The following DENND2B variants were observed in gnomAD, a reference collection of about 807,000 sequenced individuals.
The protein encoded by DENND2B is DENN domain containing 2B.
DENND2B carries 32 observed loss-of-function variants against 116.0 expected under a neutral mutation model. The ratio of observed to expected loss-of-function variants is 0.28; its 90% CI spans 0.21 to 0.37. DENND2B has a LOEUF of 0.37. DENND2B is among the 10% of genes least tolerant of loss of function. The probability of loss-of-function intolerance (pLI) is 1.00; values close to 1 mark genes in which losing one functional copy is unlikely to be tolerated. For missense variants in DENND2B, 1,276 were observed against 1,477.7 expected, an observed-to-expected ratio of 0.86 and a Z score of 2.24; for synonymous variants, 588 against 583.9, an observed-to-expected ratio of 1.01 and a Z score of -0.10.
At chr11:8,801,539 T>C (rs1297909440) in intron 1 of DENND2B, among the ~76,000 whole-genome samples, 1 of 151,784 alleles carries the variant, frequency 6.6e-6, no homozygotes, top group Non-Finnish European at 1.5e-5. Flanking sequence ...TAGCTGGGCA[T>C]GGCAGCATGC....
At chr11:8,790,670 G>GCA (rs1394646539) in intron 1 of DENND2B, among the ~76,000 whole-genome samples, 1 of 152,166 alleles carries the variant, frequency 6.6e-6, no homozygotes, top group Admixed American at 6.5e-5. Context: ...TCCAGAGGCT[G>GCA]CAGTGGGAGG....
chr11:8,830,853 T>C (rs79090116), intron 4 of DENND2B: 11,646 of 152,292 alleles, frequency 0.076, 685 homozygotes, highest in East Asian at 0.23. Context: ...GCCCGTGTGA[T>C]AGCAACAGCT....
At chr11:8,908,517 A>T (rs1413372716) in intron 1 of DENND2B, among the ~76,000 whole-genome samples, 4 of 152,244 alleles carry the variant, frequency 2.6e-5, no homozygotes, top group Admixed American at 6.5e-5. Context: ...CAATAACCCT[A>T]TGAGGAATGT....
rs765889691 is a variant in DENND2B, at chr11:8,702,538, C to T, written c.2720+34G>A. On this transcript the variant is annotated intron_variant, in intron 14 of 19. Transcript: ENST00000313726. This position sits in a 1 kb window ranked among gnomAD's most constrained non-coding sequence, Gnocchi z 4.6. ...TTCGCTTGTGGGTGTGCCTTCCCCC[C>T]TCCCTTCTGCTTTCTTGCCCGGCTG... 5.0e-6 allele frequency: 8 copies of T among 1,606,796 alleles called. No individual in the cohort carries two copies. The Admixed American group carries it at 1.0e-4, about 20-fold the overall frequency.
At chr11:8,717,073 G>C (rs1044025200) in intron 5 of DENND2B, among the ~76,000 whole-genome samples, 1 of 152,210 alleles carries the variant, frequency 6.6e-6, no homozygotes, top group African/African-American at 2.4e-5. Flanking sequence ...AAGAGAATTA[G>C]AGTTACCTGG....
Position 8,702,510 on chromosome 11 carries a change from T to C in DENND2B, c.2720+62A>G. The stretch of plus-strand genomic sequence containing the variant: ...CCTGCTTAGGCTCCTGAACACTTGC[T>C]GATTCGCTTGTGGGTGTGCCTTCCC... On this transcript the variant is annotated intron_variant, in intron 14 of 19. Coordinates refer to ENST00000313726, the MANE Select transcript of DENND2B (RefSeq NM_213618.2). The surrounding 1 kb of genome is among the most constrained non-coding windows in gnomAD (Gnocchi z 4.6). 2 of 1,600,192 alleles carry C rather than the reference T, an allele frequency of 1.2e-6. No individual in the cohort carries two copies. The highest frequency in any genetic ancestry group is 1.7e-6 in the Non-Finnish European group (2 of 1,178,446).
chr11:8,760,486 T>G (rs748300302), intron 1 of DENND2B, among the ~76,000 whole-genome samples: 9 of 152,208 alleles, frequency 5.9e-5, no homozygotes. Context: ...AGGTTGGTGA[T>G]GCACACCTGT....
At chr11:8,763,232 A>T (rs1018710850) in intron 1 of DENND2B, among the ~76,000 whole-genome samples, 1 of 152,212 alleles carries the variant, frequency 6.6e-6, no homozygotes, top group African/African-American at 2.4e-5. Context: ...TGAAAAAGAA[A>T]ATACCTACTG....
At chr11:8,750,188 C>A (rs1010328737) in intron 2 of DENND2B, among the ~76,000 whole-genome samples, 38 of 152,188 alleles carry the variant, frequency 2.5e-4, no homozygotes, top group African/African-American at 1.9e-4. Context: ...CCAAAATCCA[C>A]GGTTTCTCTA....
intron 4 of DENND2B, among the ~76,000 whole-genome samples, chr11:8,830,120 C>T (rs1458648780): frequency 6.6e-6 from 1 of 152,112 alleles, no homozygotes; most frequent in Non-Finnish European, 1.5e-5. Flanking sequence ...CTATTTTCAT[C>T]GATCTACAGG....
At chr11:8,833,924 A>G (rs2062316570) in intron 4 of DENND2B, among the ~76,000 whole-genome samples, 1 of 152,190 alleles carries the variant, frequency 6.6e-6, no homozygotes, top group Admixed American at 6.5e-5. Flanking sequence ...AAAGTTGGCT[A>G]CTTAGAGCCA....
At chr11:8,878,975 T>C (rs2063873819) in intron 2 of DENND2B, among the ~76,000 whole-genome samples, 1 of 152,202 alleles carries the variant, frequency 6.6e-6, no homozygotes. Flanking sequence ...GATTGCACAA[T>C]ATTGTGACTA....
At chr11:8,736,511 T>A (rs1015283066) in intron 2 of DENND2B, among the ~76,000 whole-genome samples, 1 of 151,900 alleles carries the variant, frequency 6.6e-6, no homozygotes, top group Non-Finnish European at 1.5e-5. Flanking sequence ...TGGGGGCCAA[T>A]AAAGAAGAAT....
At chr11:8,706,826 A>G (rs2042684440) in intron 13 of DENND2B, among the ~76,000 whole-genome samples, 1 of 152,208 alleles carries the variant, frequency 6.6e-6, no homozygotes, top group Non-Finnish European at 1.5e-5. Context: ...GTAACTGTTC[A>G]ATGAATGAAC....
At chr11:8,805,970 AC>A (rs564199792) in intron 1 of DENND2B, among the ~76,000 whole-genome samples, 19 of 151,574 alleles carry the variant, frequency 1.3e-4, no homozygotes, top group African/African-American at 3.9e-4. Context: ...AGCCACCCCT[AC>A]CCCCTCCAGT....
chr11:8,702,648 T>C lies in DENND2B; in HGVS notation c.2644A>G (p.Ser882Gly), dbSNP rs1199925428. 1 of 1,613,992 alleles carries C rather than the reference T, an allele frequency of 6.2e-7. No individual in the cohort carries two copies. Among genetic ancestry groups the C allele is most frequent in the African/African-American group, 1.3e-5 (1 of 75,052 alleles). The change falls in exon 14 of 20, where the codon AGT (serine) becomes GGT (glycine). Residue 882 changes from serine (S) to glycine (G), a missense_variant. Ser to Gly is a moderately conservative substitution (Grantham distance 56). Transcript: ENST00000313726. The surrounding 1 kb of genome is among the most constrained non-coding windows in gnomAD (Gnocchi z 4.6). ...AAGATTCGGATGAGCTGGCGCACAC[T>C]GAGGCAGGTAAAAAGGCACTCAAAG... is the stretch of plus-strand genomic sequence containing the variant. ...VDFECLFTCL[S>G]VRQLIRIFAS...
chr11:8,771,003 G>A (rs1057496718), intron 1 of DENND2B, among the ~76,000 whole-genome samples: 1 of 152,194 alleles, frequency 6.6e-6, no homozygotes, highest in African/African-American at 2.4e-5. Context: ...TGCCCTGCCT[G>A]CAGTACATGA....
intron 1 of DENND2B, among the ~76,000 whole-genome samples, chr11:8,805,153 G>T (rs11042078): frequency 0.36 from 54,691 of 152,080 alleles, 10,841 homozygotes; most frequent in Non-Finnish European, 0.44. Context: ...CTAAAGCTAG[G>T]CCTCTAAGAC....
At chr11:8,694,173 C>T (rs2039898143) in intron 19 of DENND2B, 43 bp from the exon 20 acceptor site, 1 of 1,610,968 alleles carries the variant, frequency 6.2e-7, no homozygotes, top group African/African-American at 1.3e-5. Context: ...AGTGTTATCC[C>T]TTCCAACCTC....
Sources: allele counts gnomAD v4.1 joint callset (sites outside exome capture counted in the v4.1 genomes callset), GRCh38; gene constraint gnomAD v4.1.1; non-coding constraint Gnocchi (gnomAD v3.1); transcripts MANE v1.5; gene names NCBI Gene and HGNC (gene_info 2026-07-23, HGNC 2026-07-21).